Variants in SLC22A9 observed in about 807,000 individuals in gnomAD.
SLC22A9 encodes organic anion transporter 7.
SLC22A9 carries 64 observed loss-of-function variants against 50.1 expected under a neutral mutation model. That is an observed-to-expected ratio of 1.28 (90% CI 1.04 to 1.57). The LOEUF (loss-of-function observed/expected upper bound fraction) is 1.57, where lower values mean the gene tolerates loss of function less well. Ranked by LOEUF, SLC22A9 falls within the 40% of genes most tolerant of loss-of-function variation. The probability of loss-of-function intolerance (pLI) is 0.00; values close to 1 mark genes in which losing one functional copy is unlikely to be tolerated. For missense variants in SLC22A9, 757 were observed against 676.1 expected (o/e 1.12, Z -1.33); for synonymous variants, 261 against 242.5 (o/e 1.08, Z -0.71).
At chr11:63,375,250 G>A (rs1293535744) in intron 4 of SLC22A9, among the ~76,000 whole-genome samples, 2 of 152,140 alleles carry the variant, frequency 1.3e-5, no homozygotes, top group African/African-American at 4.8e-5. Context: ...GAGGCCTTAA[G>A]CATGCATAAA....
At chr11:63,388,132 C>T (rs575120782) in intron 6 of SLC22A9, among the ~76,000 whole-genome samples, 20 of 152,162 alleles carry the variant, frequency 1.3e-4, no homozygotes, top group African/African-American at 3.1e-4. Flanking sequence ...AATTTGACTT[C>T]GAGTTTTCCA....
At position 63,373,699 on chromosome 11, in the gene SLC22A9, A is replaced by C. The variant is rs779598077; in HGVS notation, c.562A>C (p.Thr188Pro). 6.2e-7 allele frequency: 1 copy of C among 1,610,204 alleles called. No individual in the cohort carries two copies. The highest frequency in any genetic ancestry group is 1.1e-5 in the South Asian group (1 of 90,294). ...WCYLQVAIVG[T>P]CAALAPTFLI... is the part of the protein sequence containing the mutation. Reference sequence around the variant, plus strand: ...TTACCTCCAGGTTGCCATTGTTGGCACCTGTGCAGCCTTGGCTCCCACCTT... The same window carrying C: ...TTACCTCCAGGTTGCCATTGTTGGCCCCTGTGCAGCCTTGGCTCCCACCTT... The change falls in exon 3 of 10, where the codon ACC becomes CCC. Residue 188 changes from threonine to proline, a missense_variant. By Grantham distance (38) the Thr-to-Pro change is conservative. Transcript: ENST00000279178.
rs966251105 is a variant in SLC22A9 at position 63,409,965 on chromosome 11, G to T, written c.*103G>T. ...TCTAGAAAATAAATAACAAGGCTGG[G>T]TGCGGTGGCTCACGCCTGTAATCCC... On this transcript the variant is annotated 3_prime_UTR_variant, in exon 10 of 10. Transcript: ENST00000279178. 1.2e-5 allele frequency: 16 copies of T among 1,342,256 alleles called. No homozygotes were observed. Among genetic ancestry groups the T allele is most frequent in the Non-Finnish European group, 1.6e-5 (15 of 955,498 alleles). The allele number at this position is 1,342,256 out of a possible 1,614,324, so 83.1% of individuals were successfully genotyped here.
At chr11:63,409,412 A>G (rs958913109) in intron 9 of SLC22A9, among the ~76,000 whole-genome samples, 1 of 149,376 alleles carries the variant, frequency 6.7e-6, no homozygotes, top group African/African-American at 2.5e-5. Flanking sequence ...CATAAAATAC[A>G]CTAACACTAA....
chr11:63,373,597 C>T, intron 2 of SLC22A9, 47 bp from the exon 3 acceptor site: 2 of 1,458,868 alleles, frequency 1.4e-6, no homozygotes, highest in Admixed American at 2.6e-5. Context: ...TAAGTTTTTC[C>T]ACTTGTTGTT....
chr11:63,408,586 G>C, intron 8 of SLC22A9, 90 bp from the exon 9 acceptor site: 1 of 1,162,296 alleles, frequency 8.6e-7, no homozygotes, highest in Non-Finnish European at 1.2e-6. Context: ...GTGTCTAAAT[G>C]TTCCCCCATA....
At chr11:63,393,546 A>T (rs1279471534) in intron 6 of SLC22A9, among the ~76,000 whole-genome samples, 1 of 152,046 alleles carries the variant, frequency 6.6e-6, no homozygotes, top group Non-Finnish European at 1.5e-5. Context: ...ATTCAGTATT[A>T]TGTTGGCCGT....
At chr11:63,383,946 G>A (rs1217315021) in intron 6 of SLC22A9, among the ~76,000 whole-genome samples, 1 of 152,026 alleles carries the variant, frequency 6.6e-6, no homozygotes, top group African/African-American at 2.4e-5. Flanking sequence ...CTACTTGGGA[G>A]GCTGAGGTAG....
At chr11:63,403,065 A>G (rs2014976750) in intron 6 of SLC22A9, among the ~76,000 whole-genome samples, 1 of 152,170 alleles carries the variant, frequency 6.6e-6, no homozygotes, top group Non-Finnish European at 1.5e-5. Flanking sequence ...AATTGGATAA[A>G]TGGACAGATT....
chr11:63,395,299 G>A (rs530865695), intron 6 of SLC22A9, among the ~76,000 whole-genome samples: 2 of 152,076 alleles, frequency 1.3e-5, no homozygotes, highest in Admixed American at 1.3e-4. Flanking sequence ...AATGTTGGGG[G>A]GTTGTTTAAG....
chr11:63,403,817 A>AATC (rs1565189827), intron 6 of SLC22A9, among the ~76,000 whole-genome samples: 2 of 151,858 alleles, frequency 1.3e-5, no homozygotes, highest in East Asian at 1.9e-4. Flanking sequence ...AAAAATAAAT[A>AATC]AATAAATCAA....
intron 4 of SLC22A9, 123 bp downstream of exon 4, chr11:63,374,185 G>A (rs936666658): frequency 1.2e-6 from 1 of 851,088 alleles, no homozygotes; most frequent in African/African-American, 1.7e-5. Flanking sequence ...CTCATAATCT[G>A]TGCTTGATGT....
In SLC22A9 at chr11:63,370,379, C is replaced by T. The variant is rs1231989084; in HGVS notation, c.323C>T (p.Thr108Ile). The T allele has an allele frequency of 7.4e-6, 12 of 1,613,710 alleles. No homozygotes were observed. Among genetic ancestry groups the T allele is most frequent in the Non-Finnish European group, 1.0e-5 (12 of 1,179,782 alleles). Reference sequence around the variant, plus strand: ...CACCTGAATGGGACCTTCCCCAACACAAGTGACGCAGACATGGAGCCCTGT... The same window carrying T: ...CACCTGAATGGGACCTTCCCCAACATAAGTGACGCAGACATGGAGCCCTGT... ...LLHLNGTFPNTSDADMEPCVD... is the reference protein window; with the variant it reads ...LLHLNGTFPNISDADMEPCVD... Residue 108 changes from threonine (T) to isoleucine (I), a missense_variant, in exon 1 of 10, where the codon ACA becomes ATA. Transcript: ENST00000279178.
chr11:63,395,715 T>C lies in SLC22A9; in HGVS notation c.1074-10782T>C, dbSNP rs146159339. Among the ~76,000 whole-genome samples the C allele has an allele frequency of 5.5e-4, 84 of 152,280 alleles. No homozygotes were observed. In the East Asian group the frequency reaches 0.014, roughly 25 times the overall value. On this transcript the variant is annotated intron_variant, in intron 6 of 9. Transcript: ENST00000279178. ...TGGCCTCCTGGCTGGGGGTGGCACTTTCCAGAGAACATCAGCTGTGGAGAG... is the reference window on the plus strand; with the variant it reads ...TGGCCTCCTGGCTGGGGGTGGCACTCTCCAGAGAACATCAGCTGTGGAGAG...
intron 2 of SLC22A9, 67 bp from the exon 3 acceptor site, chr11:63,373,577 T>A: frequency 7.0e-7 from 1 of 1,431,830 alleles, no homozygotes; most frequent in Non-Finnish European, 9.2e-7. Context: ...AAAGTGTGCC[T>A]TCTCTTTGCT....
rs1565183531 is a variant in SLC22A9, at chr11:63,382,208, A to C, written c.1004A>C (p.Lys335Thr). 1.2e-6 allele frequency: 2 copies of C among 1,609,690 alleles called. No homozygotes were observed. Among genetic ancestry groups the C allele is most frequent in the East Asian group, 4.5e-5 (2 of 44,854 alleles). Residue 335 changes from lysine to threonine, a missense_variant, in exon 6 of 10, where the codon AAA becomes ACA. By Grantham distance (78) the Lys-to-Thr change is moderately conservative. Transcript: ENST00000279178. ...GAACTGGAGGCAGCACAAAAAAAAA[A>C]ACCTTCTCTGTGTGAAATGCTCCAC... ...KKELEAAQKK[K>T]PSLCEMLHMP...
intron 6 of SLC22A9, among the ~76,000 whole-genome samples, chr11:63,395,032 C>T (rs2014829286): frequency 6.6e-6 from 1 of 151,732 alleles, no homozygotes; most frequent in Non-Finnish European, 1.5e-5. Context: ...AATTCTATTG[C>T]TGAGGCTTTC....
chr11:63,379,458 G>T (rs750256044), intron 5 of SLC22A9, among the ~76,000 whole-genome samples: 9 of 152,100 alleles, frequency 5.9e-5, no homozygotes, highest in Admixed American at 1.3e-4. Context: ...CCTGACAAAG[G>T]TCTCATGACA....
Position 63,373,764 on chromosome 11 carries a change from T to A in SLC22A9, c.627T>A (p.Ala209=). Residue 209 remains alanine, a synonymous_variant, in exon 3 of 10, where the codon GCT becomes GCA. Coordinates refer to ENST00000279178, the MANE Select transcript of SLC22A9 (RefSeq NM_080866.3). ...YCSLRFLSGI[A]AMSLITNTIM... ...CACTACGCTTCTTGTCTGGGATTGC[T>A]GCAATGAGCCTCATAACAAATACTA... is the stretch of plus-strand genomic sequence containing the variant. 6.2e-7 allele frequency: 1 copy of A among 1,613,076 alleles called. No homozygotes were observed. Among genetic ancestry groups the A allele is most frequent in the Non-Finnish European group, 8.5e-7 (1 of 1,179,470 alleles).
Sources: allele counts gnomAD v4.1 joint callset (sites outside exome capture counted in the v4.1 genomes callset), GRCh38; gene constraint gnomAD v4.1.1; transcripts MANE v1.5; gene names NCBI Gene and HGNC (gene_info 2026-07-23, HGNC 2026-07-21).